RBMS3: variants seen among roughly 807,000 people sequenced by gnomAD.
The protein encoded by RBMS3 is RNA binding motif single stranded interacting protein 3, also known as RNA-binding motif, single-stranded-interacting protein 3.
RBMS3 carries 27 observed loss-of-function variants against 66.8 expected under a neutral mutation model. That is an observed-to-expected ratio of 0.40 (90% CI 0.30 to 0.56). RBMS3 has a LOEUF of 0.56. Among genes scored for constraint, RBMS3 ranks in the 20% least tolerant of loss-of-function variants. The probability of loss-of-function intolerance (pLI) is 0.40; values close to 1 mark genes in which losing one functional copy is unlikely to be tolerated. For missense variants in RBMS3, 513 were observed against 549.5 expected (o/e 0.93, Z 0.66); for synonymous variants, 188 against 183.0 (o/e 1.03, Z -0.22).
intron 14 of RBMS3, among the ~76,000 whole-genome samples, chr3:29,993,499 G>C (rs1699015336): frequency 6.6e-6 from 1 of 152,178 alleles, no homozygotes; most frequent in Non-Finnish European, 1.5e-5. Flanking sequence ...ATGTCTGTGA[G>C]GGTGATTTTG....
At chr3:29,581,389 G>C (rs1177585537) in intron 3 of RBMS3, among the ~76,000 whole-genome samples, 1 of 152,082 alleles carries the variant, frequency 6.6e-6, no homozygotes, top group Non-Finnish European at 1.5e-5. Context: ...TAGAAATACA[G>C]CAGAAATACA....
chr3:29,391,054 G>GA (rs1325389602), intron 1 of RBMS3: 3 of 383,834 alleles, frequency 7.8e-6, no homozygotes, highest in Non-Finnish European at 1.7e-5. Flanking sequence ...CCTTTGTGCT[G>GA]AACAGCAAAT....
chr3:29,915,719 A>G (rs1189206187), intron 10 of RBMS3, among the ~76,000 whole-genome samples: 2 of 151,996 alleles, frequency 1.3e-5, no homozygotes, highest in Non-Finnish European at 1.5e-5. Flanking sequence ...TGTGATACAA[A>G]AGGATTAAAC....
chr3:29,523,069 T>C (rs1233234489), intron 3 of RBMS3, among the ~76,000 whole-genome samples: 2 of 152,232 alleles, frequency 1.3e-5, no homozygotes, highest in Non-Finnish European at 2.9e-5. Flanking sequence ...AACTATTATC[T>C]CAATATTCCA....
intron 3 of RBMS3, among the ~76,000 whole-genome samples, chr3:29,531,970 G>A (rs922890344): frequency 6.6e-6 from 1 of 151,868 alleles, no homozygotes; most frequent in African/African-American, 2.4e-5. Context: ...TTGGTCTCCA[G>A]TCCATTTACA....
intron 3 of RBMS3, among the ~76,000 whole-genome samples, chr3:29,533,246 G>A (rs2045430835): frequency 6.6e-6 from 1 of 152,110 alleles, no homozygotes; most frequent in African/African-American, 2.4e-5. Context: ...GGGAGGCTGA[G>A]GCAGGAGGAT....
chr3:29,785,768 C>A (rs940077621), intron 6 of RBMS3, among the ~76,000 whole-genome samples: 8 of 151,986 alleles, frequency 5.3e-5, no homozygotes, highest in African/African-American at 1.9e-4. Context: ...AAGGATTCCC[C>A]TGAGAACTGG....
intron 3 of RBMS3, among the ~76,000 whole-genome samples, chr3:29,502,456 G>C (rs1021421494): frequency 6.6e-6 from 1 of 151,978 alleles, no homozygotes; most frequent in African/African-American, 2.4e-5. Context: ...TTAGACACAA[G>C]CACAATGTTT....
intron 1 of RBMS3, among the ~76,000 whole-genome samples, chr3:29,428,942 G>C (rs79847183): frequency 0.019 from 2,937 of 152,306 alleles, 52 homozygotes; most frequent in Non-Finnish European, 0.026. Context: ...ACTGTCTGCT[G>C]TTTATCATCA....
rs187526554 is a variant in RBMS3 at position 29,589,970 on chromosome 3, C to T, written c.399+2765C>T. 2.0e-3 allele frequency among the ~76,000 whole-genome samples: 307 copies of T among 152,136 alleles called. 2 individuals are homozygous for T. Among genetic ancestry groups the T allele is most frequent in the Non-Finnish European group, 2.3e-3 (159 of 67,970 alleles). On this transcript the variant is annotated intron_variant, in intron 4 of 14. Coordinates refer to ENST00000383767, the MANE Select transcript of RBMS3 (RefSeq NM_001003793.3). ...CAGTGTGTGCATATGGAAAATCCAA[C>T]TGATTTGTCAACCAATAGCAAGTTA... is the stretch of plus-strand genomic sequence containing the variant.
At chr3:29,478,067 C>T (rs1367304318) in intron 2 of RBMS3, among the ~76,000 whole-genome samples, 5 of 152,166 alleles carry the variant, frequency 3.3e-5, no homozygotes, top group South Asian at 4.1e-4. Flanking sequence ...CCACACCCAG[C>T]GCAAAGACAA....
chr3:29,956,837 A>C (rs992230613), intron 12 of RBMS3, among the ~76,000 whole-genome samples: 4 of 152,046 alleles, frequency 2.6e-5, no homozygotes, highest in African/African-American at 9.7e-5. Context: ...AGCTTTCAGG[A>C]CATAATCCTC....
rs2125410249 is a variant in RBMS3 at position 30,006,414 on chromosome 3, A to G, written c.*2552A>G. The G allele has an allele frequency of 6.6e-6, 1 of 152,040 alleles. No homozygotes were observed. Among genetic ancestry groups the G allele is most frequent in the Admixed American group, 6.6e-5 (1 of 15,258 alleles). The allele number at this position is 152,040 out of a possible 1,614,324, so 9.4% of individuals were successfully genotyped here. A position where few individuals can be genotyped will look rare whatever the true frequency, so the allele number is the denominator to read the frequency against. ...CATTGGAGACAAAAGTGTATCCAAG[A>G]AAATGTAGTGTGCGTTATAGAGAAA... On this transcript the variant is annotated 3_prime_UTR_variant, in exon 15 of 15. Coordinates refer to ENST00000383767, the MANE Select transcript of RBMS3 (RefSeq NM_001003793.3).
chr3:29,787,487 G>A (rs2056859215), intron 6 of RBMS3, among the ~76,000 whole-genome samples: 1 of 152,148 alleles, frequency 6.6e-6, no homozygotes, highest in African/African-American at 2.4e-5. Flanking sequence ...ATACGCTGTG[G>A]ACTACAACTC....
At position 29,821,707 on chromosome 3, in the gene RBMS3, T is replaced by C. The variant is rs148784191; in HGVS notation, c.638-47151T>C. On this transcript the variant is annotated intron_variant, in intron 6 of 14. Coordinates refer to ENST00000383767, the MANE Select transcript of RBMS3 (RefSeq NM_001003793.3). ...GAATAATTCCAGGAGATCTGAATCA[T>C]AGGAACTTTTTAATATTTAAGAAGC... Among the ~76,000 whole-genome samples, 367 of 152,320 alleles carry C rather than the reference T, an allele frequency of 2.4e-3. 1 individual carries two copies. The highest frequency in any genetic ancestry group is 7.6e-3 in the African/African-American group (317 of 41,582).
At chr3:29,830,185 T>C (rs2058334738) in intron 6 of RBMS3, among the ~76,000 whole-genome samples, 1 of 152,116 alleles carries the variant, frequency 6.6e-6, no homozygotes, top group Non-Finnish European at 1.5e-5. Context: ...GAGACATTTT[T>C]GATAAAATTG....
intron 2 of RBMS3, among the ~76,000 whole-genome samples, chr3:29,470,156 G>A (rs141753648): frequency 1.2e-3 from 181 of 151,414 alleles, no homozygotes; most frequent in African/African-American, 4.2e-3. Context: ...AAAATTTAAA[G>A]ATATCCATGA....
At chr3:29,554,771 C>T (rs1306268119) in intron 3 of RBMS3, among the ~76,000 whole-genome samples, 9 of 152,140 alleles carry the variant, frequency 5.9e-5, no homozygotes, top group South Asian at 4.1e-4. Context: ...TCATCTGGTA[C>T]GGGTGGCTTA....
intron 3 of RBMS3, among the ~76,000 whole-genome samples, chr3:29,551,655 G>T (rs1298835041): frequency 1.3e-5 from 2 of 152,164 alleles, no homozygotes; most frequent in Admixed American, 6.5e-5. Context: ...TGAAATGTGA[G>T]AGGAATAATA....
Sources: gnomAD v4.1 joint callset for allele counts (sites outside exome capture counted in the v4.1 genomes callset) on GRCh38, gnomAD v4.1.1 for gene constraint, MANE v1.5 for transcripts, NCBI Gene and HGNC (gene_info 2026-07-23, HGNC 2026-07-21) for gene names.